The following GPR137B variants were observed in gnomAD, a reference collection of about 807,000 sequenced individuals.
The protein encoded by GPR137B is G protein-coupled receptor 137B, also known as integral membrane protein GPR137B.
A neutral mutation model predicts 42.5 loss-of-function variants in GPR137B; 42 were observed. The ratio of observed to expected loss-of-function variants is 0.99; its 90% CI spans 0.77 to 1.28. The LOEUF is 1.28. Ranked by LOEUF, GPR137B falls within the 50% of genes most tolerant of loss-of-function variation. The pLI, the probability that GPR137B is intolerant of heterozygous loss-of-function variation, is 0.00. For missense variants in GPR137B, 487 were observed against 493.9 expected (o/e 0.99, Z 0.13); for synonymous variants, 218 against 209.7 (o/e 1.04, Z -0.34).
rs751998676 is a variant in GPR137B, at chr1:236,183,895, A to G, written c.955A>G (p.Thr319Ala). ...VVYFFRVRNP[T>A]KDLTNPGMVP... ...TTATTTCTTCCGAGTTAGAAATCCT[A>G]CAAAGGACCTTGTAAGTAAACCATT... The change falls in exon 5 of 7, where the codon ACA (threonine) becomes GCA (alanine). Residue 319 changes from threonine (T) to alanine (A), a missense_variant. Thr to Ala is a moderately conservative substitution (Grantham distance 58, BLOSUM62 0). Transcript: ENST00000366592. 1 of 1,609,436 alleles carries G rather than the reference A, an allele frequency of 6.2e-7. No homozygotes were observed. The highest frequency in any genetic ancestry group is 1.3e-5 in the African/African-American group (1 of 74,922).
intron 5 of GPR137B, among the ~76,000 whole-genome samples, chr1:236,204,396 A>G (rs778710838): frequency 3.3e-5 from 5 of 152,190 alleles, no homozygotes; most frequent in African/African-American, 4.8e-5. Context: ...TATCAGGGTA[A>G]TACTGGCCTC....
At chr1:236,153,047 C>T (rs1661914793) in intron 1 of GPR137B, among the ~76,000 whole-genome samples, 1 of 149,768 alleles carries the variant, frequency 6.7e-6, no homozygotes, top group African/African-American at 2.5e-5. Flanking sequence ...CAGAGCAATA[C>T]TCCATCTCGG....
intron 6 of GPR137B, chr1:236,207,068 G>C: frequency 1.3e-6 from 1 of 768,656 alleles, no homozygotes; most frequent in Non-Finnish European, 1.6e-6. Flanking sequence ...TTTACTCCTT[G>C]TTAGTAACAG....
intron 1 of GPR137B, among the ~76,000 whole-genome samples, chr1:236,148,170 A>AAGGC (rs1208535531): frequency 6.6e-6 from 1 of 152,338 alleles, no homozygotes; most frequent in East Asian, 1.9e-4. Context: ...TCTGAAACCT[A>AAGGC]AGGCAGGCAG....
intron 1 of GPR137B, among the ~76,000 whole-genome samples, chr1:236,167,017 T>C (rs1203459722): frequency 1.3e-5 from 2 of 152,034 alleles, no homozygotes; most frequent in African/African-American, 4.8e-5. Context: ...TTCAGGGGGC[T>C]GTGGGAGGAA....
Position 236,205,001 on chromosome 1 carries a change from A to C in GPR137B, c.967-125A>C, listed in dbSNP as rs1455912564. The C allele has an allele frequency of 9.3e-6, 7 of 753,898 alleles. No individual in the cohort carries two copies. In the Admixed American group the frequency reaches 1.7e-4, roughly 18 times the overall value. The allele number at this position is 753,898 out of a possible 1,614,324, so 46.7% of individuals were successfully genotyped here. ...GTAACTGAAATGAATATTCCAGCTG[A>C]ACAGATATAGCCTACATTCAAATGA... On this transcript the variant is annotated intron_variant, in intron 5 of 6. Coordinates refer to ENST00000366592, the MANE Select transcript of GPR137B (RefSeq NM_003272.4).
At chr1:236,190,148 C>CTTCTTT (rs61093509) in intron 5 of GPR137B, among the ~76,000 whole-genome samples, 145 of 119,216 alleles carry the variant, frequency 1.2e-3, no homozygotes, top group East Asian at 2.5e-3. Flanking sequence ...CCTGCTTCTT[C>CTTCTTT]TTTTTTTTTT....
intron 6 of GPR137B, chr1:236,207,158 G>A (rs777940444): frequency 4.2e-5 from 41 of 985,060 alleles, no homozygotes; most frequent in Admixed American, 6.2e-5. Context: ...AGAAAAGCTG[G>A]GAGAATACAT....
intron 2 of GPR137B, among the ~76,000 whole-genome samples, chr1:236,177,132 G>C (rs1240687439): frequency 1.3e-5 from 2 of 152,102 alleles, no homozygotes; most frequent in Non-Finnish European, 2.9e-5. Context: ...AGAGATTTTT[G>C]CCAGTGGGTA....
chr1:236,148,095 C>A (rs1661733434), intron 1 of GPR137B, among the ~76,000 whole-genome samples: 1 of 152,246 alleles, frequency 6.6e-6, no homozygotes, highest in Admixed American at 6.5e-5. Flanking sequence ...GCCTTTGACT[C>A]AGAGCCTGTT....
intron 5 of GPR137B, among the ~76,000 whole-genome samples, chr1:236,192,658 C>T (rs1015738145): frequency 6.6e-6 from 1 of 152,176 alleles, no homozygotes; most frequent in Non-Finnish European, 1.5e-5. Flanking sequence ...GCTCACCCTC[C>T]GTGAGCTGCA....
intron 1 of GPR137B, among the ~76,000 whole-genome samples, chr1:236,145,222 G>A (rs1263319812): frequency 2.6e-5 from 4 of 152,064 alleles, no homozygotes; most frequent in South Asian, 2.1e-4. Context: ...GCCTTTTGTC[G>A]CCAACCCAGC....
chr1:236,156,175 G>C lies in GPR137B; in HGVS notation c.415-12531G>C, dbSNP rs1403880499. Among the ~76,000 whole-genome samples the C allele has an allele frequency of 6.6e-6, 1 of 152,206 alleles. No homozygotes were observed. Among genetic ancestry groups the C allele is most frequent in the Non-Finnish European group, 1.5e-5 (1 of 68,036 alleles). On this transcript the variant is annotated intron_variant, in intron 1 of 6. Coordinates refer to ENST00000366592, the MANE Select transcript of GPR137B (RefSeq NM_003272.4). This position sits in a 1 kb window ranked among gnomAD's most constrained non-coding sequence, Gnocchi z 4.8. Reference sequence around the variant, plus strand: ...ATCACGTGGGAAGAAGCTCACTGAAGTCTGGGGGGCCCACATTCCAAGGGC... The same window carrying C: ...ATCACGTGGGAAGAAGCTCACTGAACTCTGGGGGGCCCACATTCCAAGGGC...
At chr1:236,183,531 G>A (rs374713781) in intron 4 of GPR137B, among the ~76,000 whole-genome samples, 10 of 152,120 alleles carry the variant, frequency 6.6e-5, no homozygotes, top group Non-Finnish European at 1.2e-4. Context: ...TAAAAAATCC[G>A]TATCTGAGGT....
chr1:236,162,069 G>A (rs910994514), intron 1 of GPR137B, among the ~76,000 whole-genome samples: 3 of 152,330 alleles, frequency 2.0e-5, no homozygotes, highest in African/African-American at 7.2e-5. Flanking sequence ...GAGACTTATT[G>A]AATGGCTTTG....
At chr1:236,169,468 T>G (rs1662469233) in intron 2 of GPR137B, among the ~76,000 whole-genome samples, 1 of 152,238 alleles carries the variant, frequency 6.6e-6, no homozygotes, top group African/African-American at 2.4e-5. Flanking sequence ...AAGAATGTGT[T>G]ATAGCTGAGA....
intron 1 of GPR137B, among the ~76,000 whole-genome samples, chr1:236,149,163 C>T (rs1195919794): frequency 6.6e-6 from 1 of 152,186 alleles, no homozygotes; most frequent in South Asian, 2.1e-4. Context: ...ACTGTGCCAT[C>T]AAAATTACTT....
At chr1:236,165,855 C>A (rs936527559) in intron 1 of GPR137B, among the ~76,000 whole-genome samples, 1 of 152,124 alleles carries the variant, frequency 6.6e-6, no homozygotes, top group Admixed American at 6.6e-5. Context: ...TATTTCTTAC[C>A]AATTTCCAGT....
Position 236,206,853 on chromosome 1 carries a change from C to T in GPR137B, c.1092-1197C>T, listed in dbSNP as rs556820726. Reference sequence around the variant, plus strand: ...TGAGGCCAGCAGGGGTGAGAGGAGCCAAAAGGGCTGACATAGTGCCTGCCA... The same window carrying T: ...TGAGGCCAGCAGGGGTGAGAGGAGCTAAAAGGGCTGACATAGTGCCTGCCA... On this transcript the variant is annotated intron_variant, in intron 6 of 6. Coordinates refer to ENST00000366592, the MANE Select transcript of GPR137B (RefSeq NM_003272.4). Among the ~76,000 whole-genome samples, 129 of 146,272 alleles carry T rather than the reference C, an allele frequency of 8.8e-4. 1 individual carries two copies. The highest frequency in any genetic ancestry group is 1.6e-3 in the Non-Finnish European group (104 of 66,676).
Sources: gnomAD v4.1 joint callset for allele counts (sites outside exome capture counted in the v4.1 genomes callset) on GRCh38, gnomAD v4.1.1 for gene constraint, Gnocchi (gnomAD v3.1) non-coding constraint, MANE v1.5 for transcripts, NCBI Gene and HGNC (gene_info 2026-07-23, HGNC 2026-07-21) for gene names.